SYT14: variants seen among roughly 807,000 people sequenced by gnomAD.
SYT14 encodes the protein synaptotagmin-14.
Under a neutral mutation model 74.2 loss-of-function variants are expected in SYT14, and 32 were observed. The observed-to-expected ratio is 0.43, with a 90% CI of 0.33 to 0.58. SYT14 has a LOEUF of 0.58. Among genes scored for constraint, SYT14 ranks in the 20% least tolerant of loss-of-function variants. The probability of loss-of-function intolerance (pLI) is 0.05; values close to 1 mark genes in which losing one functional copy is unlikely to be tolerated. For synonymous variants in SYT14, 298 were observed against 337.7 expected (o/e 0.88, Z 1.29); for missense variants, 791 against 981.8 (o/e 0.81, Z 2.60).
At chr1:209,960,715 T>TA (rs1429815157) in intron 2 of SYT14, among the ~76,000 whole-genome samples, 1 of 152,212 alleles carries the variant, frequency 6.6e-6, no homozygotes, top group Non-Finnish European at 1.5e-5. Flanking sequence ...TGAGTAGTTG[T>TA]AACTCATCTG....
intron 7 of SYT14, among the ~76,000 whole-genome samples, chr1:210,151,512 C>CCG (rs1553289535): frequency 1.5e-5 from 2 of 137,066 alleles, no homozygotes; most frequent in African/African-American, 3.0e-5. Flanking sequence ...ATGCCCCCCC[C>CCG]CTTTTTTTTT....
At chr1:209,943,906 A>G (rs1036134561) in intron 1 of SYT14, among the ~76,000 whole-genome samples, 6 of 152,192 alleles carry the variant, frequency 3.9e-5, no homozygotes, top group African/African-American at 1.4e-4. Context: ...ATTGGAACCT[A>G]TCAAATTAGA....
At chr1:210,030,503 ATTT>A (rs1271200993) in intron 5 of SYT14, among the ~76,000 whole-genome samples, 12 of 152,010 alleles carry the variant, frequency 7.9e-5, no homozygotes, top group Non-Finnish European at 1.6e-4. Context: ...AATCTTTAGG[ATTT>A]TCTGCATAGA....
chr1:210,073,087 G>A (rs1165263865), intron 5 of SYT14, among the ~76,000 whole-genome samples: 1 of 150,230 alleles, frequency 6.7e-6, no homozygotes, highest in Non-Finnish European at 1.5e-5. Context: ...AACTAATTCT[G>A]GTGCAGCTGT....
chr1:210,160,847 G>C, exon 10 of SYT14: 2 of 1,613,996 alleles, frequency 1.2e-6, no homozygotes, highest in Non-Finnish European at 1.7e-6. Flanking sequence ...TCTTTCAAGT[G>C]GCCCTATTTC....
At chr1:210,049,579 C>T (rs1054196412) in intron 5 of SYT14, among the ~76,000 whole-genome samples, 7 of 152,112 alleles carry the variant, frequency 4.6e-5, no homozygotes, top group African/African-American at 1.7e-4. Context: ...CTATCCCTCC[C>T]CTTACACCCC....
Position 210,021,291 on chromosome 1 carries a change from C to G in SYT14, c.1312+37C>G, listed in dbSNP as rs190179814. The stretch of plus-strand genomic sequence containing the variant: ...TGTTTTATTTTTTTTACATGACACA[C>G]TATAGTATTTGATTACTTGTGCCTG... On this transcript the variant is annotated intron_variant, in intron 5 of 9. Coordinates refer to ENST00000637265, the Ensembl canonical transcript of SYT14. 3.9e-5 allele frequency: 61 copies of G among 1,560,746 alleles called. No homozygotes were observed. The East Asian group carries it at 1.3e-3, about 33-fold the overall frequency.
intron 2 of SYT14, among the ~76,000 whole-genome samples, chr1:209,993,268 C>T (rs920853276): frequency 3.3e-5 from 5 of 152,212 alleles, no homozygotes; most frequent in Admixed American, 6.5e-5. Context: ...TGTGCAAGCT[C>T]GCCTGTCGAC....
chr1:210,085,406 T>C (rs1229873436), intron 5 of SYT14, among the ~76,000 whole-genome samples: 3 of 152,170 alleles, frequency 2.0e-5, no homozygotes, highest in African/African-American at 7.2e-5. Flanking sequence ...CTTTAATACA[T>C]TGTTGACTAG....
At chr1:210,105,374 T>A (rs975340031) in intron 7 of SYT14, among the ~76,000 whole-genome samples, 1 of 152,162 alleles carries the variant, frequency 6.6e-6, no homozygotes, top group Non-Finnish European at 1.5e-5. Flanking sequence ...TATCTTCTGC[T>A]CGTAACCTTT....
At chr1:210,112,268 G>C (rs191729025) in intron 7 of SYT14, among the ~76,000 whole-genome samples, 10 of 151,378 alleles carry the variant, frequency 6.6e-5, no homozygotes, top group Non-Finnish European at 1.5e-4. Context: ...AGCTTGATGT[G>C]TAGGGAAGGG....
exon 10 of SYT14, chr1:210,164,128 AAT>A: frequency 2.3e-6 from 1 of 440,880 alleles, no homozygotes; most frequent in Non-Finnish European, 4.5e-6. Context: ...TGTTTAGCAT[AAT>A]ATTGCCTTAT....
chr1:210,085,718 A>G (rs1040024036), intron 5 of SYT14, among the ~76,000 whole-genome samples: 1 of 152,216 alleles, frequency 6.6e-6, no homozygotes, highest in African/African-American at 2.4e-5. Flanking sequence ...TGTTGCATGT[A>G]TAGGATAACT....
intron 2 of SYT14, among the ~76,000 whole-genome samples, chr1:209,973,045 A>C (rs2079285738): frequency 6.6e-6 from 1 of 152,050 alleles, no homozygotes; most frequent in African/African-American, 2.4e-5. Flanking sequence ...GTGTGTATGT[A>C]TTTAGGATAG....
At chr1:209,949,343 G>A (rs1361594717) in intron 1 of SYT14, among the ~76,000 whole-genome samples, 2 of 152,044 alleles carry the variant, frequency 1.3e-5, no homozygotes, top group Admixed American at 1.3e-4. Flanking sequence ...GGGAGGCCGA[G>A]GCGGGCGGAT....
chr1:210,011,231 C>T (rs903857213), intron 2 of SYT14, among the ~76,000 whole-genome samples: 1 of 152,180 alleles, frequency 6.6e-6, no homozygotes, highest in South Asian at 2.1e-4. Context: ...TGTCCTGCTT[C>T]TGATTTTCCT....
At chr1:209,968,134 AT>A (rs2102739850) in intron 2 of SYT14, among the ~76,000 whole-genome samples, 1 of 152,302 alleles carries the variant, frequency 6.6e-6, no homozygotes, top group South Asian at 2.1e-4. Flanking sequence ...AGGTGCTTAT[AT>A]CTATGCATAA....
intron 5 of SYT14, among the ~76,000 whole-genome samples, chr1:210,034,634 T>G (rs2080616309): frequency 6.6e-6 from 1 of 151,712 alleles, no homozygotes; most frequent in Non-Finnish European, 1.5e-5. Context: ...GTTATTCCAC[T>G]CTCTATGTCC....
exon 7 of SYT14, chr1:210,100,180 G>A (rs1460465597): frequency 1.9e-6 from 3 of 1,613,970 alleles, no homozygotes; most frequent in Non-Finnish European, 1.7e-6. Flanking sequence ...CAGGACAGGT[G>A]GCAACTCATG....
Sources: gnomAD v4.1 joint callset for allele counts (sites outside exome capture counted in the v4.1 genomes callset) on GRCh38, gnomAD v4.1.1 for gene constraint, MANE v1.5 for transcripts, NCBI Gene and HGNC (gene_info 2026-07-23, HGNC 2026-07-21) for gene names.